CELF2: variants seen among roughly 807,000 people sequenced by gnomAD.
CELF2 encodes the protein CUGBP Elav-like family member 2.
Under a neutral mutation model 62.6 loss-of-function variants are expected in CELF2, and 8 were observed. That is an observed-to-expected ratio of 0.13 (90% CI 0.07 to 0.23). CELF2 has a LOEUF of 0.23. Ranked by LOEUF, CELF2 falls within the 10% of genes least tolerant of loss-of-function variation. CELF2 has a pLI of 1.00. For missense variants in CELF2, 333 were observed against 671.0 expected, an observed-to-expected ratio of 0.50 and a Z score of 5.56; for synonymous variants, 258 against 250.0, an observed-to-expected ratio of 1.03 and a Z score of -0.30.
the CELF2 span, among the ~76,000 whole-genome samples, chr10:10,755,349 C>T: frequency 3.9e-5 from 6 of 152,204 alleles, no homozygotes; most frequent in African/African-American, 1.4e-4. Flanking sequence ...TTGTTCTGGA[C>T]AGCTTTGGTA....
chr10:11,259,487 G>A (rs1393534839), intron 5 of CELF2, among the ~76,000 whole-genome samples: 1 of 150,136 alleles, frequency 6.7e-6, no homozygotes, highest in Non-Finnish European at 1.5e-5. Context: ...TAACAATTCT[G>A]AAATTTTGTT....
chr10:11,206,969 TC>T (rs754767930), intron 2 of CELF2, among the ~76,000 whole-genome samples: 22 of 152,258 alleles, frequency 1.4e-4, no homozygotes, highest in African/African-American at 4.8e-4. Context: ...GATTGTCCCA[TC>T]GGGGGAAAAA....
At chr10:10,852,499 T>G (rs1474853025) in intron 1 of CELF2, among the ~76,000 whole-genome samples, 1 of 152,162 alleles carries the variant, frequency 6.6e-6, no homozygotes, top group Non-Finnish European at 1.5e-5. Context: ...GAGGAATGCT[T>G]GTGGTGGTAG....
the CELF2 span, among the ~76,000 whole-genome samples, chr10:10,628,152 C>G: frequency 1.3e-5 from 2 of 152,184 alleles, no homozygotes; most frequent in African/African-American, 4.8e-5. Flanking sequence ...ATCCCCCCTG[C>G]CTTGGGCTCC....
intron 2 of CELF2, chr10:10,946,306 T>G (rs1009566913): frequency 1.3e-5 from 2 of 152,252 alleles, no homozygotes; most frequent in Non-Finnish European, 2.9e-5. Context: ...GGAATTTCTC[T>G]CCCCACTGGA....
intron 1 of CELF2, among the ~76,000 whole-genome samples, chr10:11,037,662 A>G (rs1420783887): frequency 6.6e-6 from 1 of 152,170 alleles, no homozygotes; most frequent in African/African-American, 2.4e-5. Context: ...TAATTTACTA[A>G]AAGAACGGTG....
chr10:10,753,492 C>T, the CELF2 span, among the ~76,000 whole-genome samples: 1 of 152,298 alleles, frequency 6.6e-6, no homozygotes, highest in South Asian at 2.1e-4. Flanking sequence ...TTTTCTTGCT[C>T]CCTGGTATCA....
chr10:10,662,039 G>C, the CELF2 span, among the ~76,000 whole-genome samples: 4 of 152,008 alleles, frequency 2.6e-5, no homozygotes, highest in Non-Finnish European at 5.9e-5. Context: ...AGAGTTGCGG[G>C]GGGTGGAGGT....
At chr10:10,880,232 G>C (rs1186912154) in intron 1 of CELF2, among the ~76,000 whole-genome samples, 2 of 152,142 alleles carry the variant, frequency 1.3e-5, no homozygotes, top group Admixed American at 1.3e-4. Context: ...TGAGGGGCTG[G>C]GCCTACCAGG....
At chr10:10,735,667 A>G in the CELF2 span, among the ~76,000 whole-genome samples, 8 of 152,322 alleles carry the variant, frequency 5.3e-5, no homozygotes, top group East Asian at 1.5e-3. Context: ...TTAAAGAAGT[A>G]GCTTCTTATT....
chr10:11,060,384 T>G (rs1044722943), intron 1 of CELF2, among the ~76,000 whole-genome samples: 2 of 152,196 alleles, frequency 1.3e-5, no homozygotes, highest in Non-Finnish European at 2.9e-5. Context: ...GTATGCCAGA[T>G]TCTCTCATTA....
At chr10:11,081,809 T>C (rs2074108224) in intron 1 of CELF2, among the ~76,000 whole-genome samples, 1 of 152,220 alleles carries the variant, frequency 6.6e-6, no homozygotes, top group Non-Finnish European at 1.5e-5. Context: ...TGATATTCTT[T>C]ACCTTAAGAA....
chr10:10,779,682 C>T, the CELF2 span, among the ~76,000 whole-genome samples: 1 of 152,174 alleles, frequency 6.6e-6, no homozygotes, highest in Non-Finnish European at 1.5e-5. Flanking sequence ...CTCATGGCCT[C>T]ATCTCAAGAG....
At chr10:10,813,911 G>A (rs1428511327) in intron 1 of CELF2, among the ~76,000 whole-genome samples, 1 of 152,178 alleles carries the variant, frequency 6.6e-6, no homozygotes, top group Non-Finnish European at 1.5e-5. Flanking sequence ...GCTTCCCCCA[G>A]TACTGTGTGC....
chr10:10,878,587 T>G (rs566643036), intron 1 of CELF2, among the ~76,000 whole-genome samples: 25 of 152,252 alleles, frequency 1.6e-4, no homozygotes, highest in African/African-American at 6.0e-4. Flanking sequence ...AGACAAGTGG[T>G]CGTACAAATA....
chr10:10,754,814 C>G, the CELF2 span, among the ~76,000 whole-genome samples: 1 of 152,222 alleles, frequency 6.6e-6, no homozygotes, highest in African/African-American at 2.4e-5. Context: ...TCCAAGGCCT[C>G]TCCTAATTAC....
chr10:10,833,013 CTGTGTGTGTGTG>C (rs71378768), intron 1 of CELF2, among the ~76,000 whole-genome samples: 59 of 144,616 alleles, frequency 4.1e-4, no homozygotes, highest in Middle Eastern at 3.5e-3. Flanking sequence ...ACAGAAAACT[CTGTGTGTGTGTG>C]TGTGTGTGTG....
the CELF2 span, among the ~76,000 whole-genome samples, chr10:10,499,943 G>C: frequency 9.4e-6 from 1 of 106,672 alleles, no homozygotes; most frequent in South Asian, 2.8e-4. Flanking sequence ...CATGACCTAG[G>C]ACAATAGAGA....
At chr10:11,003,548 A>C (rs1487282455), upstream of CELF2, among the ~76,000 whole-genome samples, 2 of 152,186 alleles carry the variant, frequency 1.3e-5, no homozygotes, top group Non-Finnish European at 2.9e-5. This position sits in a 1 kb window ranked among gnomAD's most constrained non-coding sequence, Gnocchi z 4.4. Flanking sequence ...GTTTCACTAC[A>C]AGCTCTTCAC....
Sources: gnomAD v4.1 joint callset for allele counts (sites outside exome capture counted in the v4.1 genomes callset) on GRCh38, gnomAD v4.1.1 for gene constraint, Gnocchi (gnomAD v3.1) non-coding constraint, MANE v1.5 for transcripts, NCBI Gene and HGNC (gene_info 2026-07-23, HGNC 2026-07-21) for gene names.